EPHA6: variants seen among roughly 807,000 people sequenced by gnomAD.
EPHA6 encodes the protein ephrin type-A receptor 6.
EPHA6 carries 50 observed loss-of-function variants against 112.0 expected under a neutral mutation model. That is an observed-to-expected ratio of 0.45 (90% CI 0.36 to 0.56). The LOEUF (loss-of-function observed/expected upper bound fraction) is 0.56. Ranked by LOEUF, EPHA6 falls within the 20% of genes least tolerant of loss-of-function variation. EPHA6 has a pLI of 0.00. For synonymous variants in EPHA6, 529 were observed against 490.7 expected, an observed-to-expected ratio of 1.08 and a Z score of -1.03; for missense variants, 1,280 against 1,417.4, an observed-to-expected ratio of 0.90 and a Z score of 1.56.
chr3:97,124,593 G>T (rs2048134188), intron 3 of EPHA6, among the ~76,000 whole-genome samples: 1 of 152,072 alleles, frequency 6.6e-6, no homozygotes, highest in Non-Finnish European at 1.5e-5. Context: ...ATTAGAGCGA[G>T]GTTAGTAAAT....
chr3:97,064,716 G>A (rs1339450608), intron 3 of EPHA6, among the ~76,000 whole-genome samples: 5 of 152,014 alleles, frequency 3.3e-5, no homozygotes, highest in South Asian at 4.1e-4. Context: ...CCTTTAAGTC[G>A]GGAGTACTTC....
intron 1 of EPHA6, among the ~76,000 whole-genome samples, chr3:96,836,422 T>A (rs1433792699): frequency 6.6e-6 from 1 of 152,160 alleles, no homozygotes; most frequent in Non-Finnish European, 1.5e-5. Context: ...AAAGTGCTGA[T>A]AATCCTTGAA....
chr3:96,942,564 C>T (rs911835665), intron 2 of EPHA6, among the ~76,000 whole-genome samples: 6 of 152,350 alleles, frequency 3.9e-5, no homozygotes, highest in Admixed American at 6.5e-5. Flanking sequence ...TTGCGCTTCC[C>T]GAGTGAGGCA....
chr3:97,297,782 G>T (rs879451881), intron 5 of EPHA6, among the ~76,000 whole-genome samples: 35 of 151,544 alleles, frequency 2.3e-4, no homozygotes, highest in Non-Finnish European at 3.4e-4. Flanking sequence ...TTATTTTTTT[G>T]AGACAGAGTC....
chr3:97,263,198 G>A (rs1050494618), intron 5 of EPHA6, among the ~76,000 whole-genome samples: 1 of 151,848 alleles, frequency 6.6e-6, no homozygotes, highest in African/African-American at 2.4e-5. Context: ...TGTGTTTCTG[G>A]GGAAGACAAA....
intron 14 of EPHA6, among the ~76,000 whole-genome samples, chr3:97,645,380 T>C (rs2094050245): frequency 2.1e-5 from 3 of 144,184 alleles, no homozygotes; most frequent in South Asian, 4.6e-4. Context: ...ATGGATGACA[T>C]TGGAAATCAT....
chr3:97,269,765 A>G (rs897266924), intron 5 of EPHA6, among the ~76,000 whole-genome samples: 4 of 152,184 alleles, frequency 2.6e-5, no homozygotes, highest in Admixed American at 1.3e-4. Flanking sequence ...CTCTTCCAAC[A>G]AAGTCCCAGT....
At chr3:97,511,056 T>TGC (rs1373019006) in intron 10 of EPHA6, among the ~76,000 whole-genome samples, 2 of 152,142 alleles carry the variant, frequency 1.3e-5, no homozygotes, top group Non-Finnish European at 1.5e-5. Context: ...AGCTGGAGCA[T>TGC]CAGACTGCTG....
chr3:97,325,170 G>C (rs1294116608), intron 5 of EPHA6, among the ~76,000 whole-genome samples: 1 of 152,030 alleles, frequency 6.6e-6, no homozygotes, highest in African/African-American at 2.4e-5. Flanking sequence ...GCTTTCATGA[G>C]GAATAAATAG....
Position 97,637,903 on chromosome 3 carries a change from T to C in EPHA6, c.2605T>C (p.Leu869=), listed in dbSNP as rs992124586. The C allele has an allele frequency of 9.3e-6, 15 of 1,613,810 alleles. No homozygotes were observed. The highest frequency in any genetic ancestry group is 1.3e-5 in the African/African-American group (1 of 74,948). Residue 869 remains leucine, a synonymous_variant, in exon 14 of 18, where the codon TTG becomes CTG. Transcript: ENST00000389672. ...TGATGGCCACTTCACAGTCATCCAGTTGGTCGGAATGCTCCGAGGCATTGC... is the reference window on the plus strand; with the variant it reads ...TGATGGCCACTTCACAGTCATCCAGCTGGTCGGAATGCTCCGAGGCATTGC... ...KHDGHFTVIQ[L]VGMLRGIASG... is the part of the protein sequence containing the mutation.
At chr3:97,258,330 G>A (rs563305002) in intron 5 of EPHA6, among the ~76,000 whole-genome samples, 1 of 151,776 alleles carries the variant, frequency 6.6e-6, no homozygotes, top group East Asian at 1.9e-4. Flanking sequence ...TACTCACAGT[G>A]GAACCTTTTA....
In EPHA6 at chr3:96,952,231, G is replaced by A. The variant is rs78978174; in HGVS notation, c.451-35099G>A. 2.2e-3 allele frequency among the ~76,000 whole-genome samples: 336 copies of A among 152,248 alleles called. 1 individual carries two copies. The highest frequency in any genetic ancestry group is 7.9e-3 in the African/African-American group (327 of 41,558). On this transcript the variant is annotated intron_variant, in intron 2 of 17. Coordinates refer to ENST00000389672, the MANE Select transcript of EPHA6 (RefSeq NM_001080448.3). ...TAAGCACTGCCTAGTACAGTGCCTA[G>A]CACCGAATAGCTGTTTTCTAAACTT...
chr3:97,107,618 A>G (rs2047606344), intron 3 of EPHA6, among the ~76,000 whole-genome samples: 1 of 152,104 alleles, frequency 6.6e-6, no homozygotes, highest in Non-Finnish European at 1.5e-5. Flanking sequence ...CCCCTATACA[A>G]AGTGTTTTAT....
At position 97,747,358 on chromosome 3, in the gene EPHA6, G is replaced by A. The variant is rs146968937; in HGVS notation, c.3129-65G>A. The A allele has an allele frequency of 1.3e-5, 17 of 1,313,946 alleles. No homozygotes were observed. The South Asian group carries it at 1.7e-4, about 13-fold the overall frequency. 81.4% of individuals were successfully genotyped at this position (1,313,946 alleles called of 1,614,324 possible). On this transcript the variant is annotated intron_variant, in intron 16 of 17. Transcript: ENST00000389672. ...ATTGTAAAAGTAAAAATAAAGTTCC[G>A]TGATTTGTGCTTTATTTGGCTTTTA...
At chr3:97,578,510 C>T (rs2093408608) in intron 11 of EPHA6, among the ~76,000 whole-genome samples, 1 of 152,100 alleles carries the variant, frequency 6.6e-6, no homozygotes, top group Non-Finnish European at 1.5e-5. Context: ...GCCATATGGC[C>T]CTTAACGACA....
intron 2 of EPHA6, among the ~76,000 whole-genome samples, chr3:96,940,045 CGTGTG>C (rs1559607974): frequency 6.6e-6 from 1 of 151,858 alleles, no homozygotes; most frequent in African/African-American, 2.4e-5. Flanking sequence ...TTTTGGAATA[CGTGTG>C]GTGTGGTGCT....
intron 5 of EPHA6, among the ~76,000 whole-genome samples, chr3:97,266,731 CCTTGT>C (rs2079698165): frequency 6.6e-6 from 1 of 152,004 alleles, no homozygotes; most frequent in East Asian, 1.9e-4. Flanking sequence ...TTTTTTGTAA[CCTTGT>C]CTTGATGAAC....
chr3:97,071,196 A>G (rs898614763), intron 3 of EPHA6, among the ~76,000 whole-genome samples: 3 of 151,972 alleles, frequency 2.0e-5, no homozygotes, highest in Non-Finnish European at 4.4e-5. Context: ...TCAGCTTGCT[A>G]TACTGTTCAC....
intron 9 of EPHA6, among the ~76,000 whole-genome samples, chr3:97,482,116 CTT>C (rs950853829): frequency 3.3e-5 from 5 of 152,148 alleles, no homozygotes; most frequent in African/African-American, 9.7e-5. Flanking sequence ...TTATTTTCCT[CTT>C]TACTACACAT....
Sources: gnomAD v4.1 joint callset for allele counts (sites outside exome capture counted in the v4.1 genomes callset) on GRCh38, gnomAD v4.1.1 for gene constraint, MANE v1.5 for transcripts, NCBI Gene and HGNC (gene_info 2026-07-23, HGNC 2026-07-21) for gene names.